The following NAV3 variants were observed in gnomAD, a reference collection of about 807,000 sequenced individuals.
NAV3 encodes pore membrane and/or filament interacting like protein 1.
A neutral mutation model predicts 244.7 loss-of-function variants in NAV3; 87 were observed. The observed-to-expected ratio is 0.36, with a 90% CI of 0.30 to 0.42. The LOEUF is 0.42. Ranked by LOEUF, NAV3 falls within the 20% of genes least tolerant of loss-of-function variation. The pLI is 1.00. For missense variants in NAV3, 2,663 were observed against 2,893.3 expected, an observed-to-expected ratio of 0.92 and a Z score of 1.83; for synonymous variants, 1,126 against 1,042.2, an observed-to-expected ratio of 1.08 and a Z score of -1.55.
intron 34 of NAV3, among the ~76,000 whole-genome samples, chr12:78,195,597 G>A (rs1959165983): frequency 6.6e-6 from 1 of 151,926 alleles, no homozygotes; most frequent in Admixed American, 6.6e-5. Flanking sequence ...GGATGTGCCA[G>A]TTGGAATTAA....
intron 9 of NAV3, among the ~76,000 whole-genome samples, chr12:78,034,870 T>G (rs994026368): frequency 6.6e-5 from 10 of 152,346 alleles, no homozygotes; most frequent in African/African-American, 2.2e-4. Context: ...AACTGTCAGT[T>G]TCAATTATCT....
intron 1 of NAV3, among the ~76,000 whole-genome samples, chr12:77,878,163 G>C (rs994207496): frequency 2.6e-5 from 4 of 151,758 alleles, no homozygotes; most frequent in Non-Finnish European, 5.9e-5. Context: ...GAAGAGAAAG[G>C]ACATGAGGTA....
chr12:77,573,125 G>A (rs1486772810), intron 2 of NAV3, among the ~76,000 whole-genome samples: 2 of 152,146 alleles, frequency 1.3e-5, no homozygotes, highest in Non-Finnish European at 2.9e-5. Flanking sequence ...GGGAGAAAAG[G>A]AAGGAAATTT....
intron 2 of NAV3, among the ~76,000 whole-genome samples, chr12:77,686,393 G>A (rs1411269738): frequency 2.7e-5 from 4 of 147,672 alleles, no homozygotes; most frequent in South Asian, 2.2e-4. Context: ...GTGCCCCACC[G>A]GATTTTTTCT....
chr12:77,739,216 T>C (rs1868284483), intron 2 of NAV3, among the ~76,000 whole-genome samples: 1 of 152,122 alleles, frequency 6.6e-6, no homozygotes, highest in Non-Finnish European at 1.5e-5. Flanking sequence ...TTTAAAATAC[T>C]GCCTACTACA....
chr12:77,796,164 T>A (rs1043913874), intron 2 of NAV3, among the ~76,000 whole-genome samples: 2 of 152,074 alleles, frequency 1.3e-5, no homozygotes, highest in African/African-American at 4.8e-5. Context: ...TGGAAAAAAA[T>A]TGCCATTCTA....
At chr12:78,146,862 C>T (rs1593785666) in intron 21 of NAV3, among the ~76,000 whole-genome samples, 2 of 152,164 alleles carry the variant, frequency 1.3e-5, no homozygotes, top group Non-Finnish European at 2.9e-5. Flanking sequence ...GGTGTGTCAC[C>T]TATTGTTCTA....
intron 12 of NAV3, among the ~76,000 whole-genome samples, chr12:78,079,174 A>G (rs573006764): frequency 1.3e-5 from 2 of 152,346 alleles, no homozygotes; most frequent in African/African-American, 4.8e-5. Flanking sequence ...CTGATGTGCC[A>G]TTGAGTCCTA....
At chr12:78,066,953 A>C (rs1280071420) in intron 12 of NAV3, among the ~76,000 whole-genome samples, 1 of 152,162 alleles carries the variant, frequency 6.6e-6, no homozygotes, top group African/African-American at 2.4e-5. Context: ...AGCAATGTGC[A>C]GAAAATTACA....
At chr12:77,663,882 A>G (rs1199754563) in intron 2 of NAV3, among the ~76,000 whole-genome samples, 1 of 152,242 alleles carries the variant, frequency 6.6e-6, no homozygotes, top group Non-Finnish European at 1.5e-5. Flanking sequence ...ATCTATGTAT[A>G]TAGTTATATG....
intron 2 of NAV3, among the ~76,000 whole-genome samples, chr12:77,712,736 T>C (rs556857577): frequency 6.6e-6 from 1 of 152,314 alleles, no homozygotes; most frequent in African/African-American, 2.4e-5. Flanking sequence ...CAAATTCACT[T>C]CTCTCAGAGA....
At chr12:77,658,018 A>C (rs1267628334) in intron 2 of NAV3, among the ~76,000 whole-genome samples, 1 of 151,904 alleles carries the variant, frequency 6.6e-6, no homozygotes, top group Non-Finnish European at 1.5e-5. Flanking sequence ...ATGGGCAAAA[A>C]CTGGAAGCAT....
At chr12:77,588,853 T>A (rs1280579153) in intron 2 of NAV3, among the ~76,000 whole-genome samples, 1 of 152,236 alleles carries the variant, frequency 6.6e-6, no homozygotes, top group Non-Finnish European at 1.5e-5. Context: ...ACTTTGATTC[T>A]GTTTGTAAAA....
At chr12:77,705,581 T>A (rs1375087375) in intron 2 of NAV3, among the ~76,000 whole-genome samples, 1 of 151,510 alleles carries the variant, frequency 6.6e-6, no homozygotes, top group Non-Finnish European at 1.5e-5. Context: ...CATGGCTACA[T>A]CAGGCACACT....
intron 2 of NAV3, among the ~76,000 whole-genome samples, chr12:77,774,668 C>A (rs1220205729): frequency 6.6e-6 from 1 of 152,132 alleles, no homozygotes; most frequent in African/African-American, 2.4e-5. Context: ...CATCCCTCAG[C>A]TCTGCAAAAT....
Position 78,140,345 on chromosome 12 carries a change from G to A in NAV3, c.4683+11G>A, listed in dbSNP as rs2139066898. 1.2e-6 allele frequency: 2 copies of A among 1,609,572 alleles called. No homozygotes were observed. Among genetic ancestry groups the A allele is most frequent in the Non-Finnish European group, 8.5e-7 (1 of 1,176,550 alleles). ...TCTCTTTACTCTACAGTAAGTAATGGCTGTTAAGAAAAAGCTTGTGCTTTT... is the reference window on the plus strand; with the variant it reads ...TCTCTTTACTCTACAGTAAGTAATGACTGTTAAGAAAAAGCTTGTGCTTTT... On this transcript the variant is annotated intron_variant, in intron 20 of 39. Transcript: ENST00000397909.
chr12:77,690,114 A>G (rs1874936589), intron 2 of NAV3, among the ~76,000 whole-genome samples: 1 of 151,852 alleles, frequency 6.6e-6, no homozygotes, highest in South Asian at 2.1e-4. Context: ...GGTCATCTGT[A>G]TCAGAGTAAT....
chr12:78,101,737 T>C (rs145523335), intron 12 of NAV3, among the ~76,000 whole-genome samples: 138 of 152,246 alleles, frequency 9.1e-4, no homozygotes, highest in African/African-American at 3.2e-3. Flanking sequence ...GGTAATGCAC[T>C]GTGTTTGCTG....
chr12:77,973,659 A>G (rs1893199054), intron 5 of NAV3, among the ~76,000 whole-genome samples: 2 of 152,152 alleles, frequency 1.3e-5, no homozygotes. Context: ...TTTCCAGGAA[A>G]CATTATTTCC....
Sources: allele counts gnomAD v4.1 joint callset (sites outside exome capture counted in the v4.1 genomes callset), GRCh38; gene constraint gnomAD v4.1.1; transcripts MANE v1.5; gene names NCBI Gene and HGNC (gene_info 2026-07-23, HGNC 2026-07-21).